SLCO1C1: variants seen among roughly 807,000 people sequenced by gnomAD.
SLCO1C1 encodes the protein solute carrier organic anion transporter family member 1C1.
SLCO1C1 carries 70 observed loss-of-function variants against 76.4 expected under a neutral mutation model. The ratio of observed to expected loss-of-function variants is 0.92; its 90% CI spans 0.76 to 1.12. The LOEUF is 1.12. Among genes scored for constraint, SLCO1C1 ranks in the 50% most tolerant of loss-of-function variants. SLCO1C1 has a pLI of 0.00. For missense variants in SLCO1C1, 912 were observed against 823.8 expected, an observed-to-expected ratio of 1.11 and a Z score of -1.31; for synonymous variants, 306 against 286.1, an observed-to-expected ratio of 1.07 and a Z score of -0.70.
At chr12:20,702,066 T>C (rs1458486705) in intron 3 of SLCO1C1, among the ~76,000 whole-genome samples, 1 of 151,934 alleles carries the variant, frequency 6.6e-6, no homozygotes, top group Non-Finnish European at 1.5e-5. Flanking sequence ...GTCACTGTTT[T>C]AGAAGTAATT....
chr12:20,749,068 A>G (rs768959079), intron 13 of SLCO1C1, among the ~76,000 whole-genome samples: 2 of 152,218 alleles, frequency 1.3e-5, no homozygotes, highest in African/African-American at 4.8e-5. Context: ...AATTATTTAC[A>G]TGAGTATTTG....
At chr12:20,715,310 T>G (rs1185084551) in intron 6 of SLCO1C1, 25 bp downstream of exon 6, 1 of 1,610,354 alleles carries the variant, frequency 6.2e-7, no homozygotes, top group African/African-American at 1.3e-5. Context: ...TTGCTTCACT[T>G]ATCTTCTTGG....
chr12:20,734,701 G>T (rs1433989265), intron 10 of SLCO1C1, among the ~76,000 whole-genome samples: 1 of 152,180 alleles, frequency 6.6e-6, no homozygotes, highest in Non-Finnish European at 1.5e-5. Flanking sequence ...CAAACTTTGA[G>T]ATTCCCATTA....
rs1364861997 is a variant in SLCO1C1 at position 20,753,036 on chromosome 12, AT to A, written c.*512del. ...AGCAGAACATGGAGAGGAAGATTTCATTTTAAGCTCCTCCTTTTCTTTGAAA... is the reference window on the plus strand; with the variant it reads ...AGCAGAACATGGAGAGGAAGATTTCATTTAAGCTCCTCCTTTTCTTTGAAA... On this transcript the variant is annotated 3_prime_UTR_variant, in exon 15 of 15. Transcript: ENST00000266509. The A allele has an allele frequency of 1.3e-5, 2 of 152,194 alleles. No individual in the cohort carries two copies. The highest frequency in any genetic ancestry group is 2.9e-5 in the Non-Finnish European group (2 of 68,046). The allele number at this position is 152,194 out of a possible 1,614,324, so 9.4% of individuals were successfully genotyped here.
chr12:20,700,238 T>G (rs531015295), intron 2 of SLCO1C1: 2 of 151,818 alleles, frequency 1.3e-5, no homozygotes, highest in Non-Finnish European at 2.9e-5. Context: ...TTCTAACCAG[T>G]TTTTATTTTT....
intron 10 of SLCO1C1, among the ~76,000 whole-genome samples, chr12:20,735,797 A>T: frequency 6.6e-6 from 1 of 152,166 alleles, no homozygotes; most frequent in East Asian, 1.9e-4. Flanking sequence ...TGATTAATTT[A>T]TTTCTCCAAA....
intron 14 of SLCO1C1, among the ~76,000 whole-genome samples, chr12:20,751,752 A>G (rs1280150822): frequency 6.6e-6 from 1 of 152,176 alleles, no homozygotes; most frequent in Non-Finnish European, 1.5e-5. Flanking sequence ...TCCATACCTT[A>G]GCATCTTCTG....
chr12:20,704,072 GT>G (rs558503907), intron 3 of SLCO1C1, among the ~76,000 whole-genome samples: 6 of 150,692 alleles, frequency 4.0e-5, no homozygotes, highest in Admixed American at 2.7e-4. Flanking sequence ...TTCTGTACCT[GT>G]TTTTTTGTGA....
intron 9 of SLCO1C1, among the ~76,000 whole-genome samples, chr12:20,724,453 G>A (rs71436824): frequency 1.2e-4 from 14 of 116,190 alleles, no homozygotes; most frequent in African/African-American, 3.4e-4. Flanking sequence ...ATATATATAT[G>A]TGTGTGTGTG....
intron 6 of SLCO1C1, among the ~76,000 whole-genome samples, chr12:20,715,658 AGCTTTCCATTTGATAAGCCTTGATAAGC>A (rs1210678758): frequency 1.1e-4 from 16 of 151,770 alleles, no homozygotes; most frequent in African/African-American, 3.2e-4. Context: ...CTTGAGCCCT[AGCTTTCCATTTGATAAGCCTTGATAAGC>A]GCTTTCCATT....
chr12:20,733,988 C>T (rs1336350888), intron 10 of SLCO1C1, among the ~76,000 whole-genome samples: 2 of 152,114 alleles, frequency 1.3e-5, no homozygotes, highest in East Asian at 3.9e-4. Context: ...ATCGAGTCTC[C>T]ATCATGTGCC....
chr12:20,717,061 T>C, intron 6 of SLCO1C1, 71 bp from the exon 7 acceptor site: 2 of 1,371,156 alleles, frequency 1.5e-6, no homozygotes, highest in Non-Finnish European at 2.0e-6. Context: ...ATTTCTTGTT[T>C]AAAATTGTAT....
intron 4 of SLCO1C1, among the ~76,000 whole-genome samples, chr12:20,710,200 CTTTTT>C (rs914645913): frequency 4.0e-5 from 3 of 75,486 alleles, no homozygotes; most frequent in African/African-American, 8.1e-5. Flanking sequence ...CTCTACTTTT[CTTTTT>C]TTTTTTTTTT....
intron 5 of SLCO1C1, among the ~76,000 whole-genome samples, chr12:20,713,508 C>G (rs891267253): frequency 6.6e-6 from 1 of 152,208 alleles, no homozygotes; most frequent in African/African-American, 2.4e-5. Flanking sequence ...AGTTAGCAGA[C>G]AGATACAGAG....
intron 2 of SLCO1C1, among the ~76,000 whole-genome samples, 195 bp from the exon 3 acceptor site, chr12:20,701,123 G>A (rs1257419660): frequency 6.6e-6 from 1 of 152,104 alleles, no homozygotes; most frequent in Non-Finnish European, 1.5e-5. Context: ...AAGAGAATTT[G>A]AACTGTTGAA....
At chr12:20,711,262 T>C in intron 4 of SLCO1C1, 124 bp from the exon 5 acceptor site, 3 of 1,088,394 alleles carry the variant, frequency 2.8e-6, no homozygotes, top group Middle Eastern at 2.2e-4. Flanking sequence ...CTTGATTTGG[T>C]GAATTAGGTT....
chr12:20,706,063 C>T lies in SLCO1C1; in HGVS notation c.386C>T (p.Pro129Leu). 6.2e-7 allele frequency: 1 copy of T among 1,612,398 alleles called. No homozygotes were observed. The highest frequency in any genetic ancestry group is 8.5e-7 in the Non-Finnish European group (1 of 1,179,028). The change falls in exon 4 of 15, where the codon CCT becomes CTT. Residue 129 changes from proline (P) to leucine (L), a missense_variant. Coordinates refer to ENST00000266509, the MANE Select transcript of SLCO1C1 (RefSeq NM_017435.5). Reference protein sequence around the residue: ...MGVGTLLIAMPQFFMEQYKYE... With the variant: ...MGVGTLLIAMLQFFMEQYKYE... Reference sequence around the variant, plus strand: ...GTTGGAACACTGCTCATTGCAATGCCTCAGTTCTTCATGGAGCAGTAAGTC... The same window carrying T: ...GTTGGAACACTGCTCATTGCAATGCTTCAGTTCTTCATGGAGCAGTAAGTC...
chr12:20,752,542 G>A lies in SLCO1C1; in HGVS notation c.*14G>A. On this transcript the variant is annotated 3_prime_UTR_variant, in exon 15 of 15. Transcript: ENST00000266509. ...ACTCAACTTTAGAAACATGATGACT[G>A]GAAGTCATGTCTTCTAATTGGTTGA... 2.6e-6 allele frequency: 4 copies of A among 1,536,292 alleles called. No homozygotes were observed. The highest frequency in any genetic ancestry group is 2.5e-5 in the South Asian group (2 of 81,452).
chr12:20,733,975 A>G (rs1948420011), intron 10 of SLCO1C1, among the ~76,000 whole-genome samples: 1 of 152,112 alleles, frequency 6.6e-6, no homozygotes, highest in Non-Finnish European at 1.5e-5. Flanking sequence ...TTCTAAAAAA[A>G]TTATCGAGTC....
Sources: allele counts gnomAD v4.1 joint callset (sites outside exome capture counted in the v4.1 genomes callset), GRCh38; gene constraint gnomAD v4.1.1; transcripts MANE v1.5; gene names NCBI Gene and HGNC (gene_info 2026-07-23, HGNC 2026-07-21).